The following ABCA8 variants were observed in gnomAD, a reference collection of about 807,000 sequenced individuals.
ABCA8 encodes the protein ABC-type organic anion transporter ABCA8.
A neutral mutation model predicts 192.3 loss-of-function variants in ABCA8; 177 were observed. The ratio of observed to expected loss-of-function variants is 0.92; its 90% CI spans 0.81 to 1.04. ABCA8 has a LOEUF of 1.04. Among genes scored for constraint, ABCA8 ranks in the 50% least tolerant of loss-of-function variants. The pLI is 0.00. For missense variants in ABCA8, 1,915 were observed against 1,904.8 expected (o/e 1.01, Z -0.10); for synonymous variants, 642 against 690.2 (o/e 0.93, Z 1.09).
chr17:68,929,080 C>T lies in ABCA8; in HGVS notation c.1094G>A (p.Ser365Asn). Residue 365 changes from serine (S) to asparagine (N), a missense_variant, in exon 9 of 40, where the codon AGT (serine) becomes AAT (asparagine). By Grantham distance (46) the Ser-to-Asn change is conservative. Coordinates refer to ENST00000586539, the MANE Select transcript of ABCA8 (RefSeq NM_001288985.2). ...CATTCCAAGCATGAAGGCAAAGGGACTAAGCAAGCTTAAAATCCACTCCAA... is the reference window on the plus strand; with the variant it reads ...CATTCCAAGCATGAAGGCAAAGGGATTAAGCAAGCTTAAAATCCACTCCAA... ...ASLEWILSLL[S>N]PFAFMLGMAQ... The T allele has an allele frequency of 6.3e-7, 1 of 1,596,106 alleles. No individual in the cohort carries two copies. Among genetic ancestry groups the T allele is most frequent in the Non-Finnish European group, 8.5e-7 (1 of 1,170,588 alleles).
rs532704970 is a variant in ABCA8 at position 68,875,346 on chromosome 17, C to T, written c.4545G>A (p.Leu1515=). ...LKSKFGKDYL[L]EMKVKNLAQV... Reference sequence around the variant, plus strand: ...GTGCCAGGTTCTTCACCTTCATCTCCAGCAGGTAATCTTTGCCAAATTTGC... The same window carrying T: ...GTGCCAGGTTCTTCACCTTCATCTCTAGCAGGTAATCTTTGCCAAATTTGC... Residue 1515 remains leucine, a synonymous_variant, in exon 37 of 40, where the codon CTG becomes CTA. Coordinates refer to ENST00000586539, the MANE Select transcript of ABCA8 (RefSeq NM_001288985.2). 2 of 1,614,090 alleles carry T rather than the reference C, an allele frequency of 1.2e-6. No individual in the cohort carries two copies. Among genetic ancestry groups the T allele is most frequent in the South Asian group, 2.2e-5 (2 of 91,078 alleles).
At position 68,868,185 on chromosome 17, in the gene ABCA8, T is replaced by C; in HGVS notation, c.4768-2A>G. On this transcript the variant is annotated splice_acceptor_variant, in intron 39 of 39. Transcript: ENST00000586539. LOFTEE classifies it high-confidence loss of function. ...CTCCTTGGAGAGCTCCAGGAAAACC[T>C]GAAAGGGAGGAAGGAAATAAAGAGA... 2 of 1,612,498 alleles carry C rather than the reference T, an allele frequency of 1.2e-6. No homozygotes were observed. Among genetic ancestry groups the C allele is most frequent in the Non-Finnish European group, 1.7e-6 (2 of 1,179,236 alleles).
rs1034053893 is a variant in ABCA8 at position 68,876,822 on chromosome 17, G to A, written c.4200-119C>T. The A allele has an allele frequency of 3.4e-5, 41 of 1,189,128 alleles. No individual in the cohort carries two copies. The Middle Eastern group carries it at 9.8e-4, about 29-fold the overall frequency. 73.7% of individuals were successfully genotyped at this position (1,189,128 alleles called of 1,614,324 possible). On this transcript the variant is annotated intron_variant, in intron 33 of 39. Transcript: ENST00000586539. Reference sequence around the variant, plus strand: ...TGCAGTTCTGGAAATACATGTGGTCGGGGGGCAGGGAAGGAGGGGTGATAT... The same window carrying A: ...TGCAGTTCTGGAAATACATGTGGTCAGGGGGCAGGGAAGGAGGGGTGATAT...
chr17:68,941,292 G>A (rs1186400443), intron 3 of ABCA8, among the ~76,000 whole-genome samples: 3 of 152,002 alleles, frequency 2.0e-5, no homozygotes, highest in South Asian at 2.1e-4. Context: ...GATCACATGC[G>A]AACTCCCAAT....
At chr17:68,888,421 G>T (rs2066545615) in intron 24 of ABCA8, among the ~76,000 whole-genome samples, 2 of 151,992 alleles carry the variant, frequency 1.3e-5, no homozygotes, top group Admixed American at 6.6e-5. Flanking sequence ...GGGCTTTGAT[G>T]AGCTAAATAA....
chr17:68,921,637 T>G, intron 12 of ABCA8, 145 bp from the exon 13 acceptor site: 1 of 474,028 alleles, frequency 2.1e-6, no homozygotes, highest in Non-Finnish European at 3.7e-6. Context: ...ATATAGTGGG[T>G]TGTTAAATTC....
rs762727558 is a variant in ABCA8 at position 68,940,917 on chromosome 17, G to GAT, written c.140_141dup (p.Pro48IlefsTer7). The GAT allele has an allele frequency of 3.1e-6, 5 of 1,611,882 alleles. No individual in the cohort carries two copies. The highest frequency in any genetic ancestry group is 1.7e-5 in the Admixed American group (1 of 59,890). On this transcript the variant is annotated frameshift_variant, in exon 4 of 40. Transcript: ENST00000586539. LOFTEE classifies it high-confidence loss of function. ...AAATCATTTACTTGATGACTATGAG[G>GAT]ATATATATACAAACAAAGTAGTAGG...
At position 68,928,711 on chromosome 17, in the gene ABCA8, G is replaced by A. The variant is rs529017985; in HGVS notation, c.1125+338C>T. 1.4e-4 allele frequency among the ~76,000 whole-genome samples: 22 copies of A among 152,064 alleles called. 1 individual carries two copies. Among genetic ancestry groups the A allele is most frequent in the South Asian group, 1.0e-3 (5 of 4,814 alleles). ...ATTTGATTTAATGGTTTTTAATCAC[G>A]TATTCTCTTCAATTACTAGGTAAAA... is the stretch of plus-strand genomic sequence containing the variant. On this transcript the variant is annotated intron_variant, in intron 9 of 39. Coordinates refer to ENST00000586539, the MANE Select transcript of ABCA8 (RefSeq NM_001288985.2).
chr17:68,933,272 C>G lies in ABCA8; in HGVS notation c.467-1G>C, dbSNP rs767330986. The G allele has an allele frequency of 2.5e-6, 4 of 1,589,696 alleles. No individual in the cohort carries two copies. Among genetic ancestry groups the G allele is most frequent in the Non-Finnish European group, 3.4e-6 (4 of 1,161,926 alleles). On this transcript the variant is annotated splice_acceptor_variant, in intron 5 of 39. Coordinates refer to ENST00000586539, the MANE Select transcript of ABCA8 (RefSeq NM_001288985.2). LOFTEE classifies it high-confidence loss of function. ...TCTTCATTTGTTTCATAACAATGAG[C>G]TTTGTGAAAAAACAAATCATAACTA...
Position 68,900,185 on chromosome 17 carries a change from A to C in ABCA8, c.2764+2528T>G, listed in dbSNP as rs185229787. On this transcript the variant is annotated intron_variant, in intron 21 of 39. Coordinates refer to ENST00000586539, the MANE Select transcript of ABCA8 (RefSeq NM_001288985.2). ...AAGTTGGTTCCTTGAAAGCATCAAC[A>C]AAATTGAGGAACCCTTAGCTAGGAT... 1.3e-4 allele frequency among the ~76,000 whole-genome samples: 20 copies of C among 152,202 alleles called. No individual in the cohort carries two copies. In the East Asian group the frequency reaches 3.9e-3, roughly 29 times the overall value.
intron 23 of ABCA8, among the ~76,000 whole-genome samples, chr17:68,892,565 A>G (rs1195861080): frequency 6.6e-6 from 1 of 152,236 alleles, no homozygotes; most frequent in African/African-American, 2.4e-5. Context: ...AATTAATCCT[A>G]GTTGAAACAG....
chr17:68,869,442 T>C lies in ABCA8; in HGVS notation c.4711+258A>G, dbSNP rs3744491. ...ATATATAACTGAGTTTTGACTTAGGTTTTACCAACATACATGCAAAAATAC... is the reference window on the plus strand; with the variant it reads ...ATATATAACTGAGTTTTGACTTAGGCTTTACCAACATACATGCAAAAATAC... On this transcript the variant is annotated intron_variant, in intron 38 of 39. Transcript: ENST00000586539. Among the ~76,000 whole-genome samples the C allele has an allele frequency of 9.4e-3, 1,424 of 152,198 alleles. 102 individuals carry two copies. The East Asian group carries it at 0.18, about 19-fold the overall frequency.
At chr17:68,875,238 C>T in intron 37 of ABCA8, 22 bp downstream of exon 37, 1 of 1,612,544 alleles carries the variant, frequency 6.2e-7, no homozygotes, top group Non-Finnish European at 8.5e-7. Flanking sequence ...GGTACCATTT[C>T]CAAAACAGCA....
chr17:68,903,582 G>C lies in ABCA8; in HGVS notation c.2399-83C>G, dbSNP rs1260739563. On this transcript the variant is annotated intron_variant, in intron 19 of 39. Transcript: ENST00000586539. The stretch of plus-strand genomic sequence containing the variant: ...GGCTCTGCTAAGCATCTCATGATTA[G>C]ACTCTTCCGCGTTACTATAGGTATA... The C allele has an allele frequency of 9.1e-6, 12 of 1,320,636 alleles. No homozygotes were observed. The African/African-American group carries it at 1.2e-4, about 13-fold the overall frequency. The allele number at this position is 1,320,636 out of a possible 1,614,324, so 81.8% of individuals were successfully genotyped here.
In ABCA8 at chr17:68,877,539, A is replaced by T. The variant is rs1327595010; in HGVS notation, c.4179T>A (p.Asp1393Glu). Reference sequence around the variant, plus strand: ...TGTACCGTGTGATGGCAACCTCAGCATCCCCTTTCCTCAGCCCTTTCACGG... The same window carrying T: ...TGTACCGTGTGATGGCAACCTCAGCTTCCCCTTTCCTCAGCCCTTTCACGG... The part of the protein sequence containing the change: ...YAAVKGLRKG[D>E]AEVAITRLVD... Residue 1393 changes from aspartate to glutamate, a missense_variant, in exon 33 of 40, where the codon GAT (aspartate) becomes GAA (glutamate). By Grantham distance (45) the Asp-to-Glu change is conservative (BLOSUM62 2). Coordinates refer to ENST00000586539, the MANE Select transcript of ABCA8 (RefSeq NM_001288985.2). 6.2e-7 allele frequency: 1 copy of T among 1,613,680 alleles called. No individual in the cohort carries two copies. Among genetic ancestry groups the T allele is most frequent in the African/African-American group, 1.3e-5 (1 of 74,860 alleles).
chr17:68,954,766 G>C (rs1321897942), intron 1 of ABCA8, among the ~76,000 whole-genome samples: 3 of 152,090 alleles, frequency 2.0e-5, no homozygotes, highest in Non-Finnish European at 2.9e-5. Context: ...AAATATTTCT[G>C]TAAGTGCTCT....
At chr17:68,883,451 T>C (rs1002145659) in intron 29 of ABCA8, among the ~76,000 whole-genome samples, 3 of 152,232 alleles carry the variant, frequency 2.0e-5, no homozygotes, top group Non-Finnish European at 4.4e-5. Flanking sequence ...CCTTGGCCAG[T>C]GGATCATTCT....
At chr17:68,910,771 G>T (rs906820506) in intron 17 of ABCA8, among the ~76,000 whole-genome samples, 3 of 152,176 alleles carry the variant, frequency 2.0e-5, no homozygotes, top group Non-Finnish European at 4.4e-5. Context: ...AGGACACCAG[G>T]CAGAGTTCTG....
Position 68,902,727 on chromosome 17 carries a change from A to G in ABCA8, c.2750T>C (p.Ile917Thr). The change falls in exon 21 of 40, where the codon ATC becomes ACC. Residue 917 changes from isoleucine to threonine, a missense_variant. Coordinates refer to ENST00000586539, the MANE Select transcript of ABCA8 (RefSeq NM_001288985.2). ...QPHDPLTQLL[I>T]INKTGASIDD... ...CACCATTTTACCTGTTTTATTGATG[A>G]TCAGTAGTTGAGTGAGAGGGTCATG... 1 of 1,613,284 alleles carries G rather than the reference A, an allele frequency of 6.2e-7. No homozygotes were observed. Among genetic ancestry groups the G allele is most frequent in the Middle Eastern group, 1.7e-4 (1 of 6,056 alleles).
Sources: allele counts gnomAD v4.1 joint callset (sites outside exome capture counted in the v4.1 genomes callset), GRCh38; gene constraint gnomAD v4.1.1; transcripts MANE v1.5; gene names NCBI Gene and HGNC (gene_info 2026-07-23, HGNC 2026-07-21).